Variants in KCNJ1 observed in about 807,000 individuals in gnomAD.
KCNJ1 encodes ATP-sensitive inward rectifier potassium channel 1.
KCNJ1 carries 24 observed loss-of-function variants against 21.9 expected under a neutral mutation model. That is an observed-to-expected ratio of 1.10 (90% CI 0.79 to 1.54). KCNJ1 has a LOEUF of 1.54. Ranked by LOEUF, KCNJ1 falls within the 40% of genes most tolerant of loss-of-function variation. The probability of loss-of-function intolerance (pLI) is 0.00; values close to 1 mark genes in which losing one functional copy is unlikely to be tolerated. For missense variants in KCNJ1, 457 were observed against 455.4 expected (o/e 1.00, Z -0.03); for synonymous variants, 152 against 160.9 (o/e 0.94, Z 0.42).
intron 2 of KCNJ1, among the ~76,000 whole-genome samples, chr11:128,849,167 C>G (rs1249745123): frequency 2.0e-5 from 3 of 152,194 alleles, no homozygotes; most frequent in African/African-American, 7.2e-5. Flanking sequence ...AACTGAGGCT[C>G]AGAGAAGTTA....
chr11:128,845,983 G>C (rs1283867032), intron 2 of KCNJ1, among the ~76,000 whole-genome samples: 1 of 152,174 alleles, frequency 6.6e-6, no homozygotes, highest in Non-Finnish European at 1.5e-5. Flanking sequence ...ACTCTCAGGA[G>C]GCACACTGTG....
At chr11:128,860,708 G>A (rs1451697267) in intron 1 of KCNJ1, among the ~76,000 whole-genome samples, 1 of 152,194 alleles carries the variant, frequency 6.6e-6, no homozygotes, top group East Asian at 1.9e-4. Flanking sequence ...CAAGCACAGA[G>A]GAAACAAGAA....
chr11:128,841,711 A>C (rs1285888435), intron 2 of KCNJ1, among the ~76,000 whole-genome samples: 1 of 152,228 alleles, frequency 6.6e-6, no homozygotes, highest in Non-Finnish European at 1.5e-5. Context: ...TGTCTTGTTC[A>C]AGGCCTTAAC....
At chr11:128,846,933 G>A (rs1210714532) in intron 2 of KCNJ1, among the ~76,000 whole-genome samples, 1 of 152,074 alleles carries the variant, frequency 6.6e-6, no homozygotes, top group East Asian at 1.9e-4. Context: ...GATAAAACAA[G>A]GCCACTCTGT....
intron 1 of KCNJ1, among the ~76,000 whole-genome samples, chr11:128,863,940 C>G (rs1943764131): frequency 6.6e-6 from 1 of 152,084 alleles, no homozygotes; most frequent in South Asian, 2.1e-4. Context: ...CTTTGCACAT[C>G]CTTCACAATC....
chr11:128,847,480 T>G (rs987277344), intron 2 of KCNJ1, among the ~76,000 whole-genome samples: 11 of 152,236 alleles, frequency 7.2e-5, no homozygotes, highest in African/African-American at 2.7e-4. Context: ...ATATGTTTGT[T>G]TCTGTATGAA....
chr11:128,849,168 A>G (rs1410391110), intron 2 of KCNJ1, among the ~76,000 whole-genome samples: 1 of 152,270 alleles, frequency 6.6e-6, no homozygotes, highest in Non-Finnish European at 1.5e-5. Context: ...ACTGAGGCTC[A>G]GAGAAGTTAA....
rs1330310984 is a variant in KCNJ1, at chr11:128,838,144, C to T, written c.*981G>A. ...GATGCAGGTGGGGATCTGAAGAAGA[C>T]TTTCACAGTAAAACTTTCCCCTCAA... is the stretch of plus-strand genomic sequence containing the variant. On this transcript the variant is annotated 3_prime_UTR_variant, in exon 3 of 3. Transcript: ENST00000392666. 6.6e-6 allele frequency: 1 copy of T among 152,616 alleles called. No homozygotes were observed. Among genetic ancestry groups the T allele is most frequent in the Non-Finnish European group, 1.5e-5 (1 of 68,036 alleles). The allele number at this position is 152,616 out of a possible 1,614,324, so 9.5% of individuals were successfully genotyped here. A position where few individuals can be genotyped will look rare whatever the true frequency, so the allele number is the denominator to read the frequency against.
intron 1 of KCNJ1, among the ~76,000 whole-genome samples, chr11:128,856,028 C>T (rs1455255537): frequency 2.6e-5 from 4 of 152,228 alleles, no homozygotes; most frequent in Non-Finnish European, 5.9e-5. Context: ...TCTCCCTCCC[C>T]TCATCCCCTC....
intron 1 of KCNJ1, among the ~76,000 whole-genome samples, chr11:128,853,438 G>C (rs1374020667): frequency 6.6e-6 from 1 of 152,236 alleles, no homozygotes; most frequent in Non-Finnish European, 1.5e-5. Flanking sequence ...ATGTAGATGA[G>C]ATGTTAGAAT....
chr11:128,855,621 C>T (rs961698194), intron 1 of KCNJ1, among the ~76,000 whole-genome samples: 11 of 151,004 alleles, frequency 7.3e-5, no homozygotes, highest in African/African-American at 2.7e-4. Flanking sequence ...ACCTCTTCCA[C>T]TTGTTATCAG....
intron 1 of KCNJ1, among the ~76,000 whole-genome samples, chr11:128,858,089 C>T (rs1279207270): frequency 7.1e-6 from 1 of 140,216 alleles, no homozygotes. Context: ...AGAAGCTCCA[C>T]GATGGCGAGA....
At chr11:128,862,736 C>A (rs1177526185) in intron 1 of KCNJ1, among the ~76,000 whole-genome samples, 4 of 152,210 alleles carry the variant, frequency 2.6e-5, no homozygotes, top group Non-Finnish European at 5.9e-5. Context: ...TGACCTTAGC[C>A]CATGCCTGTG....
intron 1 of KCNJ1, among the ~76,000 whole-genome samples, chr11:128,864,774 C>G (rs2186832): frequency 0.19 from 28,618 of 151,932 alleles, 2,817 homozygotes; most frequent in South Asian, 0.31. Context: ...CCACTTCATC[C>G]TCGCCTGTCC....
chr11:128,841,714 G>C lies in KCNJ1; in HGVS notation c.-21-1450C>G, dbSNP rs369029928. Among the ~76,000 whole-genome samples the C allele has an allele frequency of 6.0e-4, 91 of 152,270 alleles. 2 individuals are homozygous for C. The highest frequency in any genetic ancestry group is 2.1e-3 in the African/African-American group (86 of 41,548). On this transcript the variant is annotated intron_variant, in intron 2 of 2. Transcript: ENST00000392666. Reference sequence around the variant, plus strand: ...GATATCCCACAGTGTCTTGTTCAAGGCCTTAACCCAGCTGAAAACACAAGA... The same window carrying C: ...GATATCCCACAGTGTCTTGTTCAAGCCCTTAACCCAGCTGAAAACACAAGA...
intron 1 of KCNJ1, among the ~76,000 whole-genome samples, chr11:128,860,723 C>T (rs1943690566): frequency 6.6e-6 from 1 of 152,148 alleles, no homozygotes; most frequent in Non-Finnish European, 1.5e-5. Flanking sequence ...CAAGAAAATG[C>T]TGAAGGAAGC....
intron 1 of KCNJ1, among the ~76,000 whole-genome samples, chr11:128,858,520 G>A (rs1466613689): frequency 6.6e-6 from 1 of 152,202 alleles, no homozygotes; most frequent in Non-Finnish European, 1.5e-5. Flanking sequence ...ATTTGAAGGT[G>A]AGGGAAGACA....
intron 1 of KCNJ1, among the ~76,000 whole-genome samples, chr11:128,853,537 G>C (rs546179377): frequency 1.3e-5 from 2 of 152,314 alleles, no homozygotes; most frequent in East Asian, 1.9e-4. Context: ...ATGGGCACCA[G>C]GTTCTTTTGG....
intron 2 of KCNJ1, chr11:128,842,488 C>A: frequency 6.2e-7 from 1 of 1,611,296 alleles, no homozygotes; most frequent in East Asian, 2.2e-5. Flanking sequence ...TTAGACTCAG[C>A]CTAATTTATT....
Sources: gnomAD v4.1 joint callset for allele counts (sites outside exome capture counted in the v4.1 genomes callset) on GRCh38, gnomAD v4.1.1 for gene constraint, MANE v1.5 for transcripts, NCBI Gene and HGNC (gene_info 2026-07-23, HGNC 2026-07-21) for gene names.